The following SPSB1 variants were observed in gnomAD, a reference collection of about 807,000 sequenced individuals.
SPSB1 encodes the protein splA/ryanodine receptor domain and SOCS box containing 1.
In SPSB1, 8 loss-of-function variants were observed where a neutral mutation model predicts 21.2. The ratio of observed to expected loss-of-function variants is 0.38; its 90% CI spans 0.22 to 0.68. SPSB1 has a LOEUF of 0.68. Among genes scored for constraint, SPSB1 ranks in the 30% least tolerant of loss-of-function variants. SPSB1 has a pLI of 0.53. For synonymous variants in SPSB1, 169 were observed against 161.7 expected (o/e 1.05, Z -0.34); for missense variants, 242 against 377.8 (o/e 0.64, Z 2.98).
At chr1:9,308,765 G>A (rs1306525367) in intron 1 of SPSB1, among the ~76,000 whole-genome samples, 1 of 152,166 alleles carries the variant, frequency 6.6e-6, no homozygotes, top group African/African-American at 2.4e-5. Flanking sequence ...TGCGTTGCAG[G>A]AAGTGGCATG....
rs183412889 is a variant in SPSB1 at position 9,339,370 on chromosome 1, C to T, written c.-149-16373C>T. On this transcript the variant is annotated intron_variant, in intron 1 of 2. Transcript: ENST00000328089. ...TAGGACTTAGGGCTGTGACTCACCG[C>T]CAGGCCAGGTTCTGGCAGGACCCAG... 153 of 909,280 alleles carry T rather than the reference C, an allele frequency of 1.7e-4. 1 individual carries two copies. In the East Asian group the frequency reaches 9.1e-3, roughly 54 times the overall value. 56.3% of individuals were successfully genotyped at this position (909,280 alleles called of 1,614,324 possible).
chr1:9,349,751 C>T (rs565229711), intron 1 of SPSB1, among the ~76,000 whole-genome samples: 79 of 152,316 alleles, frequency 5.2e-4, no homozygotes, highest in African/African-American at 1.7e-3. Context: ...AAGGTCCTTT[C>T]GGGAGTTCCC....
intron 1 of SPSB1, among the ~76,000 whole-genome samples, chr1:9,331,093 C>T (rs562581337): frequency 4.6e-5 from 7 of 152,214 alleles, no homozygotes; most frequent in South Asian, 4.1e-4. Context: ...CATATTCTGT[C>T]GTGCTCTCCC....
chr1:9,300,968 A>G (rs1639318242), intron 1 of SPSB1, among the ~76,000 whole-genome samples: 1 of 152,216 alleles, frequency 6.6e-6, no homozygotes, highest in Admixed American at 6.5e-5. Flanking sequence ...CCGAAAGTGG[A>G]CAGCTGCAGC....
At chr1:9,354,758 G>A (rs770655951) in intron 1 of SPSB1, among the ~76,000 whole-genome samples, 3 of 151,826 alleles carry the variant, frequency 2.0e-5, no homozygotes, top group African/African-American at 4.8e-5. Flanking sequence ...CCGAGATCAC[G>A]CCACTGCACT....
intron 2 of SPSB1, among the ~76,000 whole-genome samples, chr1:9,364,066 C>T (rs1397145472): frequency 1.3e-5 from 2 of 152,278 alleles, no homozygotes; most frequent in Non-Finnish European, 2.9e-5. Context: ...TGAACTCCCT[C>T]TCAGCCCTCA....
chr1:9,306,899 G>A (rs1425084403), intron 1 of SPSB1, among the ~76,000 whole-genome samples: 3 of 149,704 alleles, frequency 2.0e-5, no homozygotes, highest in Admixed American at 1.3e-4. Flanking sequence ...TAATTAGGGT[G>A]TCTTTTTTCT....
At chr1:9,351,736 G>A (rs1640262486) in intron 1 of SPSB1, 1 of 152,508 alleles carries the variant, frequency 6.6e-6, no homozygotes, top group South Asian at 2.1e-4. Context: ...GGCTAGGTGT[G>A]AACAAAAGGA....
chr1:9,343,024 T>G (rs1640114720), intron 1 of SPSB1, among the ~76,000 whole-genome samples: 1 of 152,220 alleles, frequency 6.6e-6, no homozygotes, highest in Non-Finnish European at 1.5e-5. Flanking sequence ...CTTGGAGAGA[T>G]ATAGATAGAT....
Position 9,300,207 on chromosome 1 carries a change from C to T in SPSB1, c.-150+7136C>T, listed in dbSNP as rs577192945. On this transcript the variant is annotated intron_variant, in intron 1 of 2. Transcript: ENST00000328089. ...CTCTAAGGTGAAGAATAAGTTGTTA[C>T]AGCTTTCCTCCTGCAACCAAGAAAG... is the stretch of plus-strand genomic sequence containing the variant. Among the ~76,000 whole-genome samples, 5 of 152,318 alleles carry T rather than the reference C, an allele frequency of 3.3e-5. No individual in the cohort carries two copies. In the South Asian group the frequency reaches 1.0e-3, roughly 32 times the overall value.
rs1639639837 is a variant in SPSB1, at chr1:9,317,831, GA to G, written c.-150+24762del. ...ATGTAGGTGATTTCCGGTGGCGAGG[GA>G]ACCAATTTTTTTTTTTTTTTTTTTG... On this transcript the variant is annotated intron_variant, in intron 1 of 2. Coordinates refer to ENST00000328089, the MANE Select transcript of SPSB1 (RefSeq NM_025106.4). This position sits in a 1 kb window ranked among gnomAD's most constrained non-coding sequence, Gnocchi z 4.3. Among the ~76,000 whole-genome samples the G allele has an allele frequency of 7.6e-6, 1 of 132,024 alleles. No homozygotes were observed. The highest frequency in any genetic ancestry group is 2.7e-4 in the South Asian group (1 of 3,748). The allele number at this position is 132,024 out of a possible 152,430, so 86.6% of individuals were successfully genotyped here.
intron 2 of SPSB1, among the ~76,000 whole-genome samples, chr1:9,358,188 G>A (rs143053972): frequency 6.6e-6 from 1 of 152,332 alleles, no homozygotes; most frequent in Non-Finnish European, 1.5e-5. Context: ...GGTTAGGCAT[G>A]CGCAAACGCT....
rs985767093 is a variant in SPSB1 at position 9,297,195 on chromosome 1, C to T, written c.-150+4124C>T. The stretch of plus-strand genomic sequence containing the variant: ...TAGCCTGACCCTCTTGAGTTTACTG[C>T]GTAGGCGATGGGTGGAGGAATCCAA... On this transcript the variant is annotated intron_variant, in intron 1 of 2. Coordinates refer to ENST00000328089, the MANE Select transcript of SPSB1 (RefSeq NM_025106.4). Among the ~76,000 whole-genome samples, 8 of 152,152 alleles carry T rather than the reference C, an allele frequency of 5.3e-5. No homozygotes were observed. In the South Asian group the frequency reaches 6.2e-4, roughly 12 times the overall value.
chr1:9,348,711 A>G lies in SPSB1; in HGVS notation c.-149-7032A>G, dbSNP rs1164896055. On this transcript the variant is annotated intron_variant, in intron 1 of 2. Transcript: ENST00000328089. This position sits in a 1 kb window ranked among gnomAD's most constrained non-coding sequence, Gnocchi z 4.8. ...CAAAGATGGCCTTTTTCCTGGACCC[A>G]GACAACCTTAAATGGCTGTTCGAAG... Among the ~76,000 whole-genome samples, 4 of 152,058 alleles carry G rather than the reference A, an allele frequency of 2.6e-5. No individual in the cohort carries two copies. The highest frequency in any genetic ancestry group is 2.0e-4 in the Admixed American group (3 of 15,276).
At chr1:9,295,193 T>A (rs1456829185) in intron 1 of SPSB1, among the ~76,000 whole-genome samples, 1 of 137,944 alleles carries the variant, frequency 7.2e-6, no homozygotes, top group Non-Finnish European at 1.6e-5. Flanking sequence ...GTAGATGGAG[T>A]GTGTGTGTGT....
At chr1:9,331,811 C>T (rs535788117) in intron 1 of SPSB1, among the ~76,000 whole-genome samples, 32 of 152,298 alleles carry the variant, frequency 2.1e-4, no homozygotes, top group Non-Finnish European at 4.4e-4. Flanking sequence ...GAGGGTGCAA[C>T]GTGCGATCTC....
At chr1:9,364,673 A>G (rs980909638) in intron 2 of SPSB1, among the ~76,000 whole-genome samples, 5 of 152,232 alleles carry the variant, frequency 3.3e-5, no homozygotes, top group Admixed American at 1.3e-4. Flanking sequence ...TAAGCTGGCC[A>G]CGAAAGGCCC....
In SPSB1 at chr1:9,363,255, G is replaced by A. The variant is rs138846242; in HGVS notation, c.695-4193G>A. On this transcript the variant is annotated intron_variant, in intron 2 of 2. Transcript: ENST00000328089. The surrounding 1 kb of genome is among the most constrained non-coding windows in gnomAD (Gnocchi z 4.5). ...GGCGTGACCTGTTTATGTACTTGAG[G>A]ACCCAGAGAAGAGACCCATTCACAG... Among the ~76,000 whole-genome samples, 4 of 152,272 alleles carry A rather than the reference G, an allele frequency of 2.6e-5. No homozygotes were observed. The East Asian group carries it at 5.8e-4, about 22-fold the overall frequency.
rs746606697 is a variant in SPSB1 at position 9,331,176 on chromosome 1, C to CA, written c.-149-24565dup. Among the ~76,000 whole-genome samples, 190 of 151,774 alleles carry CA rather than the reference C, an allele frequency of 1.3e-3. No homozygotes were observed. In the Middle Eastern group the frequency reaches 0.014, roughly 11 times the overall value. The stretch of plus-strand genomic sequence containing the variant: ...CCTCGTCTTTTTAATTGCTGTGTAA[C>CA]AACGGTTCATGGTGCAAACATATCA... On this transcript the variant is annotated intron_variant, in intron 1 of 2. Coordinates refer to ENST00000328089, the MANE Select transcript of SPSB1 (RefSeq NM_025106.4).
Sources: allele counts gnomAD v4.1 joint callset (sites outside exome capture counted in the v4.1 genomes callset), GRCh38; gene constraint gnomAD v4.1.1; non-coding constraint Gnocchi (gnomAD v3.1); transcripts MANE v1.5; gene names NCBI Gene and HGNC (gene_info 2026-07-23, HGNC 2026-07-21).